The following KRT10 variants were observed in gnomAD, a reference collection of about 807,000 sequenced individuals.
KRT10 encodes keratin 10.
Under a neutral mutation model 59.2 loss-of-function variants are expected in KRT10, and 40 were observed. The observed-to-expected ratio is 0.68, with a 90% CI of 0.52 to 0.88. KRT10 has a LOEUF of 0.88. Among genes scored for constraint, KRT10 ranks in the 40% least tolerant of loss-of-function variants. The probability of loss-of-function intolerance (pLI) is 0.00; values close to 1 mark genes in which losing one functional copy is unlikely to be tolerated. For synonymous variants in KRT10, 336 were observed against 310.7 expected (o/e 1.08, Z -0.86); for missense variants, 719 against 749.1 (o/e 0.96, Z 0.47).
At chr17:40,818,507 T>TAA in intron 7 of KRT10, 25 bp from the exon 8 acceptor site, 1 of 1,481,176 alleles carries the variant, frequency 6.8e-7, no homozygotes, top group Non-Finnish European at 9.4e-7. Context: ...GAAAAAAAAT[T>TAA]TTAAACAGTC....
chr17:40,818,892 CCGG>C lies in KRT10; in HGVS notation c.1640_1642del (p.Ser547_Gly548delinsCys). On this transcript the variant is annotated inframe_deletion, in exon 7 of 8. Coordinates refer to ENST00000269576, the MANE Select transcript of KRT10 (RefSeq NM_000421.5). Reference sequence around the variant, plus strand: ...TCCGCCGCCGGAGCTGCTGCCGCCGCCGGAGCTGCCGCCCCCGTAGCCGCCGCC... The same window carrying C: ...TCCGCCGCCGGAGCTGCTGCCGCCGCAGCTGCCGCCCCCGTAGCCGCCGCC... 6.9e-7 allele frequency: 1 copy of C among 1,448,360 alleles called. No individual in the cohort carries two copies. The highest frequency in any genetic ancestry group is 1.3e-5 in the South Asian group (1 of 74,746). The allele number at this position is 1,448,360 out of a possible 1,614,324, so 89.7% of individuals were successfully genotyped here.
Position 40,820,243 on chromosome 17 carries a change from A to C in KRT10, c.1029+19T>G. ...TGATAAAACCTCCATGAGTTTCACT[A>C]TAAGGAAGATTACTTTACCTTTTCA... On this transcript the variant is annotated intron_variant, in intron 4 of 7. Coordinates refer to ENST00000269576, the MANE Select transcript of KRT10 (RefSeq NM_000421.5). 1 of 1,614,226 alleles carries C rather than the reference A, an allele frequency of 6.2e-7. No individual in the cohort carries two copies. The highest frequency in any genetic ancestry group is 8.5e-7 in the Non-Finnish European group (1 of 1,180,022).
At position 40,819,220 on chromosome 17, in the gene KRT10, T is replaced by C. The variant is rs543145740; in HGVS notation, c.1374-59A>G. On this transcript the variant is annotated intron_variant, in intron 6 of 7. Coordinates refer to ENST00000269576, the MANE Select transcript of KRT10 (RefSeq NM_000421.5). ...AACGTTGGAAAACGGTGGGTAGCTT[T>C]CCAGTTGCCGTTAATTTAGAAAATA... 1.9e-6 allele frequency: 3 copies of C among 1,591,204 alleles called. No individual in the cohort carries two copies. In the East Asian group the frequency reaches 6.7e-5, roughly 36 times the overall value.
rs71371451 is a variant in KRT10, at chr17:40,822,211, G to A, written c.375C>T (p.Gly125=). The A allele has an allele frequency of 5.1e-3, 8,258 of 1,610,558 alleles. 392 individuals carry two copies. In the African/African-American group the frequency reaches 0.098, roughly 19 times the overall value. Reference sequence around the variant, plus strand: ...CACCACCAAAGCCTCCTCCAAAGCCGCCTCCACCAAAGCCGCCTCCACCAA... The same window carrying A: ...CACCACCAAAGCCTCCTCCAAAGCCACCTCCACCAAAGCCGCCTCCACCAA... ...GSFGGGGFGG[G]GFGGGFGGGF... The change falls in exon 1 of 8, where the codon GGC becomes GGT. Residue 125 remains glycine, a synonymous_variant. Coordinates refer to ENST00000269576, the MANE Select transcript of KRT10 (RefSeq NM_000421.5).
Position 40,818,228 on chromosome 17 carries a change from G to A in KRT10, c.*248C>T, listed in dbSNP as rs570541533. The A allele has an allele frequency of 5.8e-5, 27 of 468,264 alleles. No homozygotes were observed. Among genetic ancestry groups the A allele is most frequent in the African/African-American group, 3.9e-4 (20 of 50,946 alleles). The allele number at this position is 468,264 out of a possible 1,614,324, so 29.0% of individuals were successfully genotyped here. A position where few individuals can be genotyped will look rare whatever the true frequency, so the allele number is the denominator to read the frequency against. On this transcript the variant is annotated 3_prime_UTR_variant, in exon 8 of 8. Coordinates refer to ENST00000269576, the MANE Select transcript of KRT10 (RefSeq NM_000421.5). ...TGGTAAAGTGAAAAGAAGAAATACA[G>A]AAACCACAAAACACCTTGTAGACAC... is the stretch of plus-strand genomic sequence containing the variant.
At position 40,822,092 on chromosome 17, in the gene KRT10, C is replaced by T. The variant is rs755924637; in HGVS notation, c.494G>A (p.Arg165Gln). ...CTCATAGTTTGATTCTTCCAGAGCC[C>T]GAACTTTGTCCAAGTAGGAAGCCAG... ...DRLASYLDKVRALEESNYELE... is the reference protein window; with the variant it reads ...DRLASYLDKVQALEESNYELE... Residue 165 changes from arginine to glutamine, a missense_variant, in exon 1 of 8, where the codon CGG becomes CAG. Physicochemically the swap from Arg to Gln is conservative, Grantham distance 43 (BLOSUM62 1). Around this residue, in one of 4 missense-constraint regions of KRT10, gnomAD observed 221 missense variants for 277.8 expected, o/e 0.80. Coordinates refer to ENST00000269576, the MANE Select transcript of KRT10 (RefSeq NM_000421.5). 4.3e-6 allele frequency: 7 copies of T among 1,613,916 alleles called. No individual in the cohort carries two copies. The highest frequency in any genetic ancestry group is 3.3e-5 in the Admixed American group (2 of 59,984).
In KRT10 at chr17:40,819,016, C is replaced by T; in HGVS notation, c.1519G>A (p.Gly507Arg). The T allele has an allele frequency of 7.3e-7, 1 of 1,368,862 alleles. No individual in the cohort carries two copies. The highest frequency in any genetic ancestry group is 9.5e-7 in the Non-Finnish European group (1 of 1,051,270). The allele number at this position is 1,368,862 out of a possible 1,614,324, so 84.8% of individuals were successfully genotyped here. Residue 507 changes from glycine to arginine, a missense_variant, in exon 7 of 8, where the codon GGA (glycine) becomes AGA (arginine). By Grantham distance (125) the Gly-to-Arg change is moderately radical. Coordinates refer to ENST00000269576, the MANE Select transcript of KRT10 (RefSeq NM_000421.5). Reference protein sequence around the residue: ...GGYGGGSSGGGSSGGGYGGGS... With the variant: ...GGYGGGSSGGRSSGGGYGGGS... ...CCCCCGTAGCCGCCGCCGGAGCTTC[C>T]GCCGCCGGAGCTTCCGCCTCCGTAG...
Position 40,822,105 on chromosome 17 carries a change from A to C in KRT10, c.481T>G (p.Leu161Val), listed in dbSNP as rs1132257. The C allele has an allele frequency of 6.2e-7, 1 of 1,613,954 alleles. No homozygotes were observed. The highest frequency in any genetic ancestry group is 8.5e-7 in the Non-Finnish European group (1 of 1,180,004). The change falls in exon 1 of 8, where the codon TTG (leucine) becomes GTG (valine). Residue 161 changes from leucine to valine, a missense_variant. This residue lies in a region of KRT10 where 7 missense variants were observed against 24.9 expected (regional missense o/e 0.28). Transcript: ENST00000269576. ...TCTTCCAGAGCCCGAACTTTGTCCA[A>C]GTAGGAAGCCAGGCGGTCATTCAGA... ...QNLNDRLASY[L>V]DKVRALEESN...
In KRT10 at chr17:40,821,112, G is replaced by T; in HGVS notation, c.633C>A (p.Leu211=). Residue 211 remains leucine, a synonymous_variant, in exon 2 of 8, where the codon CTC becomes CTA. Coordinates refer to ENST00000269576, the MANE Select transcript of KRT10 (RefSeq NM_000421.5). ...TGTTGGCATTATCAGTTGTTAGGTT[G>T]AGAATCTGGAGGGAGAGGCACAGTT... ...KTIDDLKNQI[L]NLTTDNANIL... The T allele has an allele frequency of 1.2e-6, 2 of 1,612,682 alleles. No individual in the cohort carries two copies. The highest frequency in any genetic ancestry group is 1.3e-5 in the African/African-American group (1 of 75,036).
intron 5 of KRT10, 150 bp downstream of exon 5, chr17:40,819,899 T>C (rs1905269330): frequency 2.7e-6 from 3 of 1,095,086 alleles, no homozygotes; most frequent in Non-Finnish European, 4.2e-6. Context: ...AGATCAACAC[T>C]AGTAGTACTT....
At position 40,818,900 on chromosome 17, in the gene KRT10, G is replaced by GCTGCCGCCGCCGGAGCTT. The variant is rs1905184036; in HGVS notation, c.1634_1635insAAGCTCCGGCGGCGGCAG (p.Ser551_Gly556dup). On this transcript the variant is annotated inframe_insertion, in exon 7 of 8. Coordinates refer to ENST00000269576, the MANE Select transcript of KRT10 (RefSeq NM_000421.5). ...CGGAGCTGCTGCCGCCGCCGGAGCT[G>GCTGCCGCCGCCGGAGCTT]CCGCCCCCGTAGCCGCCGCCGCCGC... The GCTGCCGCCGCCGGAGCTT allele has an allele frequency of 2.4e-5, 33 of 1,396,760 alleles. No homozygotes were observed. The African/African-American group carries it at 5.1e-4, about 21-fold the overall frequency. The allele number at this position is 1,396,760 out of a possible 1,614,324, so 86.5% of individuals were successfully genotyped here. A position where few individuals can be genotyped will look rare whatever the true frequency, so the allele number is the denominator to read the frequency against.
At chr17:40,819,937 GTT>G (rs1905271111) in intron 5 of KRT10, 110 bp downstream of exon 5, 1 of 1,375,374 alleles carries the variant, frequency 7.3e-7, no homozygotes, top group African/African-American at 1.4e-5. Context: ...GCTTCACTTT[GTT>G]TTCTCTTTCT....
At position 40,819,015 on chromosome 17, in the gene KRT10, C is replaced by T. The variant is rs759357431; in HGVS notation, c.1520G>A (p.Gly507Glu). ...GCCCCCGTAGCCGCCGCCGGAGCTT[C>T]CGCCGCCGGAGCTTCCGCCTCCGTA... Reference protein sequence around the residue: ...GGYGGGSSGGGSSGGGYGGGS... With the variant: ...GGYGGGSSGGESSGGGYGGGS... Residue 507 changes from glycine (G) to glutamate (E), a missense_variant, in exon 7 of 8, where the codon GGA becomes GAA. Gly to Glu is a moderately conservative substitution (Grantham distance 98, BLOSUM62 -2). This residue lies in a region of KRT10 where 315 missense variants were observed against 270.6 expected (regional missense o/e 1.16). Coordinates refer to ENST00000269576, the MANE Select transcript of KRT10 (RefSeq NM_000421.5). 2.2e-6 allele frequency: 3 copies of T among 1,359,642 alleles called. No individual in the cohort carries two copies. In the South Asian group the frequency reaches 4.7e-5, roughly 21 times the overall value. 84.2% of individuals were successfully genotyped at this position (1,359,642 alleles called of 1,614,324 possible).
chr17:40,821,306 C>T (rs573355897), intron 1 of KRT10, among the ~76,000 whole-genome samples, 189 bp from the exon 2 acceptor site: 1 of 152,282 alleles, frequency 6.6e-6, no homozygotes, highest in Non-Finnish European at 1.5e-5. Flanking sequence ...CTTGGAATTT[C>T]TCCAGTCTTG....
At position 40,818,832 on chromosome 17, in the gene KRT10, G is replaced by T; in HGVS notation, c.1703C>A (p.Ser568Tyr). 1 of 1,205,280 alleles carries T rather than the reference G, an allele frequency of 8.3e-7. No individual in the cohort carries two copies. 74.7% of individuals were successfully genotyped at this position (1,205,280 alleles called of 1,614,324 possible). ...CTCGCCCACGGACCCGGAAGAGGAG[G>T]ACTTGTGGCCTCCGCTGGAGCTGCC... ...GGGSSSGGHK[S>Y]SSSGSVGESS... The change falls in exon 7 of 8, where the codon TCC becomes TAC. Residue 568 changes from serine to tyrosine, a missense_variant. Coordinates refer to ENST00000269576, the MANE Select transcript of KRT10 (RefSeq NM_000421.5).
rs777924779 is a variant in KRT10, at chr17:40,818,838, T to C, written c.1697A>G (p.His566Arg). ...CACGGACCCGGAAGAGGAGGACTTG[T>C]GGCCTCCGCTGGAGCTGCCGCCGCC... ...GYGGGSSSGG[H>R]KSSSSGSVGE... Residue 566 changes from histidine to arginine, a missense_variant, in exon 7 of 8, where the codon CAC becomes CGC. His to Arg is a conservative substitution (Grantham distance 29, BLOSUM62 0). Around this residue, in one of 4 missense-constraint regions of KRT10, gnomAD observed 315 missense variants for 270.6 expected, o/e 1.16. Transcript: ENST00000269576. 6.7e-6 allele frequency: 8 copies of C among 1,191,714 alleles called. No individual in the cohort carries two copies. The Admixed American group carries it at 7.7e-5, about 11-fold the overall frequency. 73.8% of individuals were successfully genotyped at this position (1,191,714 alleles called of 1,614,324 possible).
intron 6 of KRT10, 43 bp downstream of exon 6, chr17:40,819,474 T>C (rs780031140): frequency 3.2e-6 from 5 of 1,549,264 alleles, no homozygotes; most frequent in Non-Finnish European, 4.5e-6. Context: ...ATCTGGAATA[T>C]TGAATAAAAG....
At chr17:40,820,774 A>T in intron 2 of KRT10, 107 bp from the exon 3 acceptor site, 1 of 1,235,796 alleles carries the variant, frequency 8.1e-7, no homozygotes, top group South Asian at 1.2e-5. Flanking sequence ...TGTAATGGCA[A>T]TATTTGTCAT....
rs371456379 is a variant in KRT10, at chr17:40,822,248, C to T, written c.338G>A (p.Gly113Asp). ...GGGSFGGGSF[G>D]GGSFGGGGFG... ...GCCGCCTCCACCAAAGCTGCCCCCACCAAAGCTGCCACCTCCGAAACTGCC... is the reference window on the plus strand; with the variant it reads ...GCCGCCTCCACCAAAGCTGCCCCCATCAAAGCTGCCACCTCCGAAACTGCC... The change falls in exon 1 of 8, where the codon GGT becomes GAT. Residue 113 changes from glycine to aspartate, a missense_variant. This residue lies in a region of KRT10 where 176 missense variants were observed against 175.7 expected (regional missense o/e 1.00). Transcript: ENST00000269576. The T allele has an allele frequency of 8.3e-5, 134 of 1,605,424 alleles. No homozygotes were observed. The highest frequency in any genetic ancestry group is 1.3e-4 in the Admixed American group (8 of 59,738).
Sources: gnomAD v4.1 joint callset for allele counts (sites outside exome capture counted in the v4.1 genomes callset) on GRCh38, gnomAD v4.1.1 for gene constraint, gnomAD v4.1.1 regional missense constraint, MANE v1.5 for transcripts, NCBI Gene and HGNC (gene_info 2026-07-23, HGNC 2026-07-21) for gene names.